Variants in SPATC1 observed in about 807,000 individuals in gnomAD.
The protein encoded by SPATC1 is speriolin.
A neutral mutation model predicts 36.5 loss-of-function variants in SPATC1; 35 were observed. That is an observed-to-expected ratio of 0.96 (90% CI 0.73 to 1.27). The LOEUF (loss-of-function observed/expected upper bound fraction) is 1.27, where lower values mean the gene tolerates loss of function less well. Among genes scored for constraint, SPATC1 ranks in the 50% most tolerant of loss-of-function variants. The probability of loss-of-function intolerance (pLI) is 0.00; values close to 1 mark genes in which losing one functional copy is unlikely to be tolerated. For synonymous variants in SPATC1, 361 were observed against 353.6 expected (o/e 1.02, Z -0.24); for missense variants, 779 against 796.0 (o/e 0.98, Z 0.26).
At chr8:144,035,117 A>T (rs1244676988) in intron 1 of SPATC1, among the ~76,000 whole-genome samples, 1 of 152,192 alleles carries the variant, frequency 6.6e-6, no homozygotes, top group Non-Finnish European at 1.5e-5. Context: ...TTTATCATTA[A>T]CAGACAAACA....
Position 144,040,371 on chromosome 8 carries a change from A to C in SPATC1, c.674A>C (p.Glu225Ala). ...CCCATGAGCAACCTGGTCCTGCCAG[A>C]GGCCCCAAGGCTGCGGCTGGCTGAG... is the stretch of plus-strand genomic sequence containing the variant. ...ANPMSNLVLP[E>A]APRLRLAEPL... Residue 225 changes from glutamate (E) to alanine (A), a missense_variant, in exon 2 of 5, where the codon GAG (glutamate) becomes GCG (alanine). Coordinates refer to ENST00000377470, the MANE Select transcript of SPATC1 (RefSeq NM_198572.3). 6.2e-7 allele frequency: 1 copy of C among 1,612,618 alleles called. No homozygotes were observed. Among genetic ancestry groups the C allele is most frequent in the South Asian group, 1.1e-5 (1 of 91,078 alleles).
At chr8:144,035,955 T>C (rs1264170768) in intron 1 of SPATC1, among the ~76,000 whole-genome samples, 4 of 152,116 alleles carry the variant, frequency 2.6e-5, no homozygotes, top group African/African-American at 9.7e-5. Flanking sequence ...CTGAGCTCCA[T>C]CCTCCACCTC....
At chr8:144,042,311 A>ATATATATTTTTTT (rs1412021347) in intron 4 of SPATC1, among the ~76,000 whole-genome samples, 2 of 23,884 alleles carry the variant, frequency 8.4e-5, no homozygotes, top group Non-Finnish European at 6.3e-5. Context: ...ATATATATAT[A>ATATATATTTTTTT]TTTTTTTTTT....
intron 4 of SPATC1, among the ~76,000 whole-genome samples, chr8:144,042,284 A>AATATATATATATATATATATAT (rs1554756220): frequency 2.8e-5 from 1 of 36,302 alleles, no homozygotes; most frequent in African/African-American, 1.6e-4. Context: ...ACGCCCAGCT[A>AATATATATATATATATATATAT]ATATATATAT....
In SPATC1 at chr8:144,046,972, G is replaced by C. The variant is rs1372801157; in HGVS notation, c.*16G>C. 1.9e-6 allele frequency: 3 copies of C among 1,588,194 alleles called. No individual in the cohort carries two copies. Among genetic ancestry groups the C allele is most frequent in the Non-Finnish European group, 2.6e-6 (3 of 1,173,830 alleles). On this transcript the variant is annotated 3_prime_UTR_variant, in exon 5 of 5. Transcript: ENST00000377470. This position sits in a 1 kb window ranked among gnomAD's most constrained non-coding sequence, Gnocchi z 6.6. ...CATCTGGTGACGCTGGAGCTGGGAG[G>C]TCCAGGCTCGCTCAGCCCCACAGCC...
In SPATC1 at chr8:144,016,333, G is replaced by A. The variant is rs1255193740; in HGVS notation, c.211+3607G>A. On this transcript the variant is annotated intron_variant, in intron 1 of 4. Coordinates refer to ENST00000377470, the MANE Select transcript of SPATC1 (RefSeq NM_198572.3). This position sits in a 1 kb window ranked among gnomAD's most constrained non-coding sequence, Gnocchi z 4.5. Reference sequence around the variant, plus strand: ...GTGTGTGATTTGTGAGTGAATGTGTGCATATGGCTCTGTGTGTGTGTGAGT... The same window carrying A: ...GTGTGTGATTTGTGAGTGAATGTGTACATATGGCTCTGTGTGTGTGTGAGT... 6.6e-6 allele frequency among the ~76,000 whole-genome samples: 1 copy of A among 152,072 alleles called. No individual in the cohort carries two copies. Among genetic ancestry groups the A allele is most frequent in the Non-Finnish European group, 1.5e-5 (1 of 68,012 alleles).
upstream of SPATC1, among the ~76,000 whole-genome samples, chr8:144,011,991 G>T (rs1834289057): frequency 6.6e-6 from 1 of 152,126 alleles, no homozygotes; most frequent in East Asian, 1.9e-4. This position sits in a 1 kb window ranked among gnomAD's most constrained non-coding sequence, Gnocchi z 4.5. Flanking sequence ...AAGGTGGAGT[G>T]GTGGGTTTTC....
At chr8:144,020,588 A>G (rs1834494261) in intron 1 of SPATC1, among the ~76,000 whole-genome samples, 2 of 147,922 alleles carry the variant, frequency 1.4e-5, no homozygotes, top group African/African-American at 2.5e-5. Flanking sequence ...TTCTCCCCTC[A>G]GAACCCTCTC....
chr8:144,040,774 T>TCCCCCCCCCCCCC lies in SPATC1; in HGVS notation c.978_979insCCCCCCCCCCCCC (p.Thr327ProfsTer48). The TCCCCCCCCCCCCC allele has an allele frequency of 1.5e-6, 2 of 1,352,936 alleles. No individual in the cohort carries two copies. Among genetic ancestry groups the TCCCCCCCCCCCCC allele is most frequent in the South Asian group, 1.6e-5 (1 of 64,062 alleles). 83.8% of individuals were successfully genotyped at this position (1,352,936 alleles called of 1,614,324 possible). ...AGTGGTCCCTGCATCTGTCCCCACC[T>TCCCCCCCCCCCCC]CCCCCACCACCTCCCCCACGGTCAC... On this transcript the variant is annotated frameshift_variant, in exon 3 of 5. Transcript: ENST00000377470. LOFTEE classifies it high-confidence loss of function.
intron 1 of SPATC1, among the ~76,000 whole-genome samples, chr8:144,034,440 T>C (rs1834858461): frequency 6.6e-6 from 1 of 151,456 alleles, no homozygotes; most frequent in Non-Finnish European, 1.5e-5. Flanking sequence ...CTTTTCTTCA[T>C]AAAGTTTGTT....
At chr8:144,043,978 C>T (rs917120415) in intron 4 of SPATC1, among the ~76,000 whole-genome samples, 1 of 152,176 alleles carries the variant, frequency 6.6e-6, no homozygotes, top group Admixed American at 6.5e-5. Flanking sequence ...ACAGACTCTC[C>T]TGCTGCTCAC....
intron 4 of SPATC1, among the ~76,000 whole-genome samples, chr8:144,043,880 T>C (rs1171384526): frequency 1.3e-5 from 2 of 152,164 alleles, no homozygotes; most frequent in African/African-American, 2.4e-5. Context: ...AGGAAAGGCC[T>C]GGGTGCTGAG....
chr8:144,026,992 T>C (rs1347657585), intron 1 of SPATC1, among the ~76,000 whole-genome samples: 6 of 144,748 alleles, frequency 4.1e-5, no homozygotes, highest in Admixed American at 6.8e-5. Context: ...TTTTTCTTTT[T>C]TTTTTTTTTT....
intron 1 of SPATC1, among the ~76,000 whole-genome samples, chr8:144,037,086 G>A (rs1247965910): frequency 2.1e-5 from 3 of 140,150 alleles, no homozygotes; most frequent in African/African-American, 5.1e-5. Context: ...CAGTAGGGGC[G>A]GCCGGCTGGG....
rs1169014232 is a variant in SPATC1 at position 144,026,987 on chromosome 8, CTTTTT to C, written c.212-12908_212-12904del. 3.5e-5 allele frequency among the ~76,000 whole-genome samples: 4 copies of C among 114,324 alleles called. No individual in the cohort carries two copies. The South Asian group carries it at 8.9e-4, about 25-fold the overall frequency. 75.0% of individuals were successfully genotyped at this position (114,324 alleles called of 152,430 possible). On this transcript the variant is annotated intron_variant, in intron 1 of 4. Transcript: ENST00000377470. ...ACCACGCCCTGCTAATTTTTTTTTT[CTTTTT>C]TTTTTTTTTTTTTGGATTTTTAGTA...
In SPATC1 at chr8:144,016,197, A is replaced by G. The variant is rs1834389543; in HGVS notation, c.211+3471A>G. ...CTTGAACTTGGGAGGCAGAGGTTGC[A>G]GTGAGCCTAGACTACGCCATTGCAC... is the stretch of plus-strand genomic sequence containing the variant. On this transcript the variant is annotated intron_variant, in intron 1 of 4. Coordinates refer to ENST00000377470, the MANE Select transcript of SPATC1 (RefSeq NM_198572.3). This position sits in a 1 kb window ranked among gnomAD's most constrained non-coding sequence, Gnocchi z 4.5. 6.6e-6 allele frequency among the ~76,000 whole-genome samples: 1 copy of G among 152,200 alleles called. No individual in the cohort carries two copies.
upstream of SPATC1, among the ~76,000 whole-genome samples, chr8:144,012,100 T>C (rs1298033137): frequency 6.6e-6 from 1 of 152,210 alleles, no homozygotes; most frequent in Non-Finnish European, 1.5e-5. Flanking sequence ...GACCTCACTG[T>C]AAAGCCAGTG....
At chr8:144,036,756 C>G (rs1834906180) in intron 1 of SPATC1, among the ~76,000 whole-genome samples, 1 of 151,972 alleles carries the variant, frequency 6.6e-6, no homozygotes, top group East Asian at 1.9e-4. Flanking sequence ...TCCAAGGGAG[C>G]CTGTAAAATG....
At position 144,041,236 on chromosome 8, in the gene SPATC1, G is replaced by A. The variant is rs782000209; in HGVS notation, c.1311G>A (p.Ser437=). The A allele has an allele frequency of 6.8e-6, 11 of 1,613,308 alleles. No homozygotes were observed. Among genetic ancestry groups the A allele is most frequent in the East Asian group, 2.2e-5 (1 of 44,862 alleles). The change falls in exon 4 of 5, where the codon TCG becomes TCA. Residue 437 remains serine (S), a synonymous_variant. Coordinates refer to ENST00000377470, the MANE Select transcript of SPATC1 (RefSeq NM_198572.3). ...GACGAGACCCTGTGTCCCCAGAGTCGAAGCAGCTGGCCTGGGAGAGGCTGG... is the reference window on the plus strand; with the variant it reads ...GACGAGACCCTGTGTCCCCAGAGTCAAAGCAGCTGGCCTGGGAGAGGCTGG... ...TSKFPENPRE[S]KQLAWERLVG... is the part of the protein sequence containing the mutation.
Sources: gnomAD v4.1 joint callset for allele counts (sites outside exome capture counted in the v4.1 genomes callset) on GRCh38, gnomAD v4.1.1 for gene constraint, Gnocchi (gnomAD v3.1) non-coding constraint, MANE v1.5 for transcripts, NCBI Gene and HGNC (gene_info 2026-07-23, HGNC 2026-07-21) for gene names.